LRBA: variants seen among roughly 807,000 people sequenced by gnomAD.
LRBA encodes LPS responsive beige-like anchor protein, also known as lipopolysaccharide-responsive and beige-like anchor protein.
A neutral mutation model predicts 330.0 loss-of-function variants in LRBA; 176 were observed. That is an observed-to-expected ratio of 0.53 (90% CI 0.47 to 0.60). LRBA has a LOEUF of 0.60. Ranked by LOEUF, LRBA falls within the 20% of genes least tolerant of loss-of-function variation. The pLI is 0.00. For synonymous variants in LRBA, 1,230 were observed against 1,193.0 expected, an observed-to-expected ratio of 1.03 and a Z score of -0.64; for missense variants, 3,259 against 3,444.8, an observed-to-expected ratio of 0.95 and a Z score of 1.35.
chr4:150,431,064 G>A (rs928694803), intron 46 of LRBA, among the ~76,000 whole-genome samples: 1 of 152,136 alleles, frequency 6.6e-6, no homozygotes, highest in South Asian at 2.1e-4. Flanking sequence ...TAGCTGTCTA[G>A]TCAAATTCAT....
chr4:150,743,743 T>C (rs1732323694), intron 35 of LRBA, among the ~76,000 whole-genome samples: 1 of 152,198 alleles, frequency 6.6e-6, no homozygotes, highest in African/African-American at 2.4e-5. Flanking sequence ...CCTAAAGAAC[T>C]ATCTGGCCTT....
At chr4:151,002,743 G>A (rs1306842231) in intron 2 of LRBA, among the ~76,000 whole-genome samples, 1 of 151,556 alleles carries the variant, frequency 6.6e-6, no homozygotes, top group Admixed American at 6.6e-5. Context: ...CAGATGCAGT[G>A]GCTCAAGTCT....
At chr4:150,464,339 G>A (rs970666392) in intron 44 of LRBA, among the ~76,000 whole-genome samples, 1 of 151,804 alleles carries the variant, frequency 6.6e-6, no homozygotes, top group African/African-American at 2.4e-5. Context: ...TTTTACTTTT[G>A]CAAACACAAA....
intron 34 of LRBA, among the ~76,000 whole-genome samples, chr4:150,785,016 GA>G (rs2126612688): frequency 6.6e-6 from 1 of 152,328 alleles, no homozygotes; most frequent in South Asian, 2.1e-4. Flanking sequence ...AATTGCAATA[GA>G]GAAAAAATCG....
chr4:150,617,740 G>A (rs6851587), intron 37 of LRBA, among the ~76,000 whole-genome samples: 133,233 of 152,246 alleles, frequency 0.88, 59,218 homozygotes, highest in Non-Finnish European at 0.95. Flanking sequence ...TATAGGCTAC[G>A]CATCAATTTT....
chr4:150,816,997 C>T (rs1560860543), intron 31 of LRBA, 127 bp downstream of exon 31: 1 of 719,024 alleles, frequency 1.4e-6, no homozygotes, highest in African/African-American at 1.8e-5. Flanking sequence ...AAGTAGTAAA[C>T]AATCAACAGT....
chr4:150,538,015 C>T (rs531233637), intron 40 of LRBA, among the ~76,000 whole-genome samples: 2 of 151,926 alleles, frequency 1.3e-5, no homozygotes, highest in South Asian at 4.2e-4. Flanking sequence ...CAATGTGCAA[C>T]CAACAAATAT....
chr4:150,852,724 C>T lies in LRBA; in HGVS notation c.2986G>A (p.Glu996Lys). The stretch of plus-strand genomic sequence containing the variant: ...GCAGATTCTAGTGAACTTGTCTTCT[C>T]TATACTTGAATTTTCATTACCATTT... ...TTNGNENSSI[E>K]KTSSLESASN... Residue 996 changes from glutamate (E) to lysine (K), a missense_variant, in exon 23 of 57, where the codon GAG (glutamate) becomes AAG (lysine). By Grantham distance (56) the Glu-to-Lys change is moderately conservative. Transcript: ENST00000651943. 6.2e-7 allele frequency: 1 copy of T among 1,613,894 alleles called. No individual in the cohort carries two copies. The highest frequency in any genetic ancestry group is 8.5e-7 in the Non-Finnish European group (1 of 1,179,858).
chr4:150,801,281 T>C (rs1741576320), intron 33 of LRBA, among the ~76,000 whole-genome samples: 1 of 152,200 alleles, frequency 6.6e-6, no homozygotes, highest in Non-Finnish European at 1.5e-5. Flanking sequence ...ATGCTCATGA[T>C]GAATCTGAAA....
At chr4:150,415,706 T>A in intron 46 of LRBA, 116 bp from the exon 47 acceptor site, 3 of 607,540 alleles carry the variant, frequency 4.9e-6, no homozygotes. Flanking sequence ...ACACAGGGAA[T>A]TTTTTTTTCT....
At chr4:150,453,204 G>C (rs1753608618) in intron 44 of LRBA, among the ~76,000 whole-genome samples, 1 of 151,562 alleles carries the variant, frequency 6.6e-6, no homozygotes, top group African/African-American at 2.4e-5. Context: ...GAAGCAAAAA[G>C]CCTAGAACAG....
chr4:150,551,136 C>T (rs1297026659), intron 40 of LRBA, among the ~76,000 whole-genome samples: 1 of 152,142 alleles, frequency 6.6e-6, no homozygotes, highest in African/African-American at 2.4e-5. Context: ...CTCTTGCTCT[C>T]TCTGTCTCAC....
intron 4 of LRBA, among the ~76,000 whole-genome samples, chr4:150,924,616 T>C (rs1733691143): frequency 6.6e-6 from 1 of 152,166 alleles, no homozygotes; most frequent in African/African-American, 2.4e-5. Context: ...TGTAAAAATC[T>C]ATGCTAAAGT....
intron 40 of LRBA, among the ~76,000 whole-genome samples, chr4:150,525,104 A>G (rs1763314346): frequency 6.6e-6 from 1 of 152,162 alleles, no homozygotes; most frequent in Admixed American, 6.5e-5. Context: ...TCAATTCTAT[A>G]TGTACTGAAA....
intron 36 of LRBA, chr4:150,684,052 A>C (rs1783292602): frequency 8.9e-6 from 1 of 112,080 alleles, no homozygotes. Context: ...ATAGTGAATA[A>C]GGAGAATAAT....
chr4:150,775,938 G>A (rs1291800177), intron 34 of LRBA, among the ~76,000 whole-genome samples: 3 of 150,748 alleles, frequency 2.0e-5, no homozygotes, highest in Non-Finnish European at 4.4e-5. Flanking sequence ...AGAAAAGAGG[G>A]GAGAAAAAAA....
chr4:150,496,168 T>C (rs1330775888), intron 40 of LRBA, among the ~76,000 whole-genome samples: 1 of 152,114 alleles, frequency 6.6e-6, no homozygotes, highest in Non-Finnish European at 1.5e-5. Context: ...TTTTCCCAAA[T>C]AATGCATGTA....
chr4:150,765,558 T>G (rs1735659604), intron 34 of LRBA, among the ~76,000 whole-genome samples: 1 of 152,112 alleles, frequency 6.6e-6, no homozygotes, highest in Non-Finnish European at 1.5e-5. Context: ...GCTGTGAATG[T>G]AAAACTGCTC....
chr4:150,853,981 A>G (rs1258641296), intron 22 of LRBA, among the ~76,000 whole-genome samples: 1 of 152,178 alleles, frequency 6.6e-6, no homozygotes, highest in African/African-American at 2.4e-5. Context: ...TAGGACAATC[A>G]AGGAAGAAAA....
Sources: gnomAD v4.1 joint callset for allele counts (sites outside exome capture counted in the v4.1 genomes callset) on GRCh38, gnomAD v4.1.1 for gene constraint, MANE v1.5 for transcripts, NCBI Gene and HGNC (gene_info 2026-07-23, HGNC 2026-07-21) for gene names.